Variants in SDK1 observed in about 807,000 individuals in gnomAD.
SDK1 encodes the protein sidekick cell adhesion molecule 1, also known as protein sidekick-1.
Under a neutral mutation model 245.5 loss-of-function variants are expected in SDK1, and 157 were observed. That is an observed-to-expected ratio of 0.64 (90% CI 0.56 to 0.73). The LOEUF (loss-of-function observed/expected upper bound fraction) is 0.73, where lower values mean the gene tolerates loss of function less well. Among genes scored for constraint, SDK1 ranks in the 30% least tolerant of loss-of-function variants. The pLI, the probability that SDK1 is intolerant of heterozygous loss-of-function variation, is 0.00. For synonymous variants in SDK1, 1,647 were observed against 1,278.5 expected, an observed-to-expected ratio of 1.29 and a Z score of -6.15; for missense variants, 3,583 against 3,002.3, an observed-to-expected ratio of 1.19 and a Z score of -4.52.
At chr7:3,322,699 T>C (rs1421553878) in intron 1 of SDK1, among the ~76,000 whole-genome samples, 1 of 152,230 alleles carries the variant, frequency 6.6e-6, no homozygotes, top group Non-Finnish European at 1.5e-5. Flanking sequence ...TTTGTTTTCC[T>C]TTGCAGTGTA....
intron 40 of SDK1, among the ~76,000 whole-genome samples, chr7:4,221,734 C>T (rs1052689480): frequency 3.3e-5 from 5 of 152,084 alleles, no homozygotes; most frequent in East Asian, 1.9e-4. Context: ...TGTTTGCTGC[C>T]GAGATGGAAA....
At chr7:3,473,257 C>T (rs996115495) in intron 1 of SDK1, among the ~76,000 whole-genome samples, 1 of 152,188 alleles carries the variant, frequency 6.6e-6, no homozygotes, top group African/African-American at 2.4e-5. Flanking sequence ...TCACTGTACA[C>T]ACTGCCTCTT....
intron 5 of SDK1, among the ~76,000 whole-genome samples, chr7:3,846,886 C>T (rs1483528176): frequency 6.6e-6 from 1 of 152,082 alleles, no homozygotes; most frequent in African/African-American, 2.4e-5. Context: ...GTCAGGTCCG[C>T]ACTGGAACTG....
rs962752149 is a variant in SDK1, at chr7:4,267,155, GC to G, written c.*1772del. 7.1e-6 allele frequency: 7 copies of G among 985,024 alleles called. No homozygotes were observed. The African/African-American group carries it at 1.2e-4, about 17-fold the overall frequency. The allele number at this position is 985,024 out of a possible 1,614,324, so 61.0% of individuals were successfully genotyped here. A position where few individuals can be genotyped will look rare whatever the true frequency, so the allele number is the denominator to read the frequency against. On this transcript the variant is annotated 3_prime_UTR_variant, in exon 45 of 45. Coordinates refer to ENST00000404826, the MANE Select transcript of SDK1 (RefSeq NM_152744.4). The stretch of plus-strand genomic sequence containing the variant: ...AGTCTTTCCAAAATTAGAGGGTATG[GC>G]AAGTTTCCTTTTTTCTCTCCTCCCT...
intron 22 of SDK1, among the ~76,000 whole-genome samples, chr7:4,091,334 C>CTT (rs61065472): frequency 0.013 from 1,399 of 108,248 alleles, 54 homozygotes; most frequent in African/African-American, 0.047. Context: ...CTTTTCTTTT[C>CTT]TTTTTTTTTT....
intron 5 of SDK1, among the ~76,000 whole-genome samples, chr7:3,872,310 A>T (rs1394746086): frequency 2.6e-5 from 4 of 152,180 alleles, no homozygotes; most frequent in Non-Finnish European, 5.9e-5. Flanking sequence ...TGCTAGTCTC[A>T]TAAAATGAGA....
At chr7:3,650,407 A>T (rs571617099) in intron 4 of SDK1, among the ~76,000 whole-genome samples, 1 of 152,272 alleles carries the variant, frequency 6.6e-6, no homozygotes, top group South Asian at 2.1e-4. Flanking sequence ...TTCTGTCTCT[A>T]TGAATTTGAC....
At chr7:4,194,228 ATG>A (rs1198886352) in intron 35 of SDK1, among the ~76,000 whole-genome samples, 1 of 151,028 alleles carries the variant, frequency 6.6e-6, no homozygotes, top group Non-Finnish European at 1.5e-5. Context: ...GTATACACGT[ATG>A]TGTATACATG....
intron 44 of SDK1, among the ~76,000 whole-genome samples, chr7:4,256,813 T>C (rs948170687): frequency 1.3e-5 from 2 of 152,192 alleles, no homozygotes. Context: ...AGAAAAACTC[T>C]CCTGAGAAGC....
At chr7:4,001,772 C>G (rs1785093646) in intron 14 of SDK1, among the ~76,000 whole-genome samples, 1 of 152,256 alleles carries the variant, frequency 6.6e-6, no homozygotes. Flanking sequence ...CTACTTCGTA[C>G]TCTTTCTTCC....
intron 1 of SDK1, among the ~76,000 whole-genome samples, chr7:3,541,725 G>A (rs1997483): frequency 0.93 from 140,980 of 152,306 alleles, 65,418 homozygotes; most frequent in East Asian, 1. Flanking sequence ...GAGCTTTTCA[G>A]TAACTGATGG....
At chr7:4,260,403 G>T (rs13242244) in intron 44 of SDK1, among the ~76,000 whole-genome samples, 11 of 107,198 alleles carry the variant, frequency 1.0e-4, no homozygotes, top group Non-Finnish European at 1.5e-4. Flanking sequence ...CCGGGGCCTC[G>T]GTGTGTGTGG....
chr7:3,597,356 C>T (rs1781100462), intron 1 of SDK1, among the ~76,000 whole-genome samples: 1 of 151,902 alleles, frequency 6.6e-6, no homozygotes, highest in African/African-American at 2.4e-5. Context: ...AAAACTTCTC[C>T]CCTTTTGGTC....
chr7:3,405,907 G>A (rs1462815582), intron 1 of SDK1, among the ~76,000 whole-genome samples: 1 of 149,270 alleles, frequency 6.7e-6, no homozygotes, highest in Non-Finnish European at 1.5e-5. Flanking sequence ...CTGCCTCCCA[G>A]GTTCAAGTGA....
intron 21 of SDK1, among the ~76,000 whole-genome samples, chr7:4,078,532 T>G (rs1256025673): frequency 6.6e-6 from 1 of 152,144 alleles, no homozygotes; most frequent in African/African-American, 2.4e-5. Flanking sequence ...AGACCTGGTT[T>G]CAAACACCCC....
At chr7:3,776,544 T>G (rs1219562113) in intron 4 of SDK1, among the ~76,000 whole-genome samples, 1 of 152,164 alleles carries the variant, frequency 6.6e-6, no homozygotes, top group Admixed American at 6.5e-5. Flanking sequence ...ATCTCACAGG[T>G]TTGTTGTGAG....
chr7:3,841,469 C>A (rs1376458880), intron 5 of SDK1, among the ~76,000 whole-genome samples: 3 of 152,122 alleles, frequency 2.0e-5, no homozygotes, highest in Non-Finnish European at 2.9e-5. Context: ...TAACATCTTG[C>A]GCTAATGAGT....
At chr7:3,732,416 A>AT (rs1006522068) in intron 4 of SDK1, among the ~76,000 whole-genome samples, 3 of 152,238 alleles carry the variant, frequency 2.0e-5, no homozygotes, top group Admixed American at 6.5e-5. Flanking sequence ...ATAGAGGAAG[A>AT]TTTTTTAAAA....
chr7:3,458,560 C>G (rs1415349475), intron 1 of SDK1, among the ~76,000 whole-genome samples: 2 of 149,642 alleles, frequency 1.3e-5, no homozygotes, highest in Non-Finnish European at 3.0e-5. Context: ...TGTACCTTTT[C>G]TAAGGTAACA....
Sources: gnomAD v4.1 joint callset for allele counts (sites outside exome capture counted in the v4.1 genomes callset) on GRCh38, gnomAD v4.1.1 for gene constraint, MANE v1.5 for transcripts, NCBI Gene and HGNC (gene_info 2026-07-23, HGNC 2026-07-21) for gene names.